The following KIAA0586 variants were observed in gnomAD, a reference collection of about 807,000 sequenced individuals.
The protein encoded by KIAA0586 is protein TALPID3.
Under a neutral mutation model 169.8 loss-of-function variants are expected in KIAA0586, and 144 were observed. The ratio of observed to expected loss-of-function variants is 0.85; its 90% CI spans 0.74 to 0.97. KIAA0586 has a LOEUF of 0.97. Among genes scored for constraint, KIAA0586 ranks in the 50% least tolerant of loss-of-function variants. KIAA0586 has a pLI of 0.00. For missense variants in KIAA0586, 1,854 were observed against 1,823.0 expected, an observed-to-expected ratio of 1.02 and a Z score of -0.31; for synonymous variants, 625 against 612.4, an observed-to-expected ratio of 1.02 and a Z score of -0.30.
At position 58,549,194 on chromosome 14, in the gene KIAA0586, T is replaced by A. The variant is rs1189530948; in HGVS notation, c.*1262T>A. 1 of 152,208 alleles carries A rather than the reference T, an allele frequency of 6.6e-6. No individual in the cohort carries two copies. The highest frequency in any genetic ancestry group is 1.5e-5 in the Non-Finnish European group (1 of 68,030). 9.4% of individuals were successfully genotyped at this position (152,208 alleles called of 1,614,324 possible). A position where few individuals can be genotyped will look rare whatever the true frequency, so the allele number is the denominator to read the frequency against. Reference sequence around the variant, plus strand: ...CACAGTAATTACAGTCATCCTTGACTTTTTCAGCATTTTTGTAGGTTGCTA... The same window carrying A: ...CACAGTAATTACAGTCATCCTTGACATTTTCAGCATTTTTGTAGGTTGCTA... On this transcript the variant is annotated 3_prime_UTR_variant, in exon 31 of 31. Transcript: ENST00000652326.
Position 58,430,679 on chromosome 14 carries a change from T to TG in KIAA0586, c.303dup (p.Pro102AlafsTer4). On this transcript the variant is annotated frameshift_variant, in exon 3 of 31. Coordinates refer to ENST00000652326, the MANE Select transcript of KIAA0586 (RefSeq NM_001329943.3). LOFTEE classifies it high-confidence loss of function. Reference sequence around the variant, plus strand: ...TCTAAAGACGTTGCAGTGCAAGTGTTGCCTTTGGATAAAATAGAAGAGAAC... The same window carrying TG: ...TCTAAAGACGTTGCAGTGCAAGTGTTGGCCTTTGGATAAAATAGAAGAGAAC... 1 of 1,605,812 alleles carries TG rather than the reference T, an allele frequency of 6.2e-7. No individual in the cohort carries two copies. Among genetic ancestry groups the TG allele is most frequent in the Non-Finnish European group, 8.5e-7 (1 of 1,175,056 alleles).
At chr14:58,450,466 G>T in intron 7 of KIAA0586, 113 bp from the exon 8 acceptor site, 1 of 638,638 alleles carries the variant, frequency 1.6e-6, no homozygotes, top group South Asian at 2.0e-5. Flanking sequence ...TTAATAATTT[G>T]TTCATCATTT....
intron 18 of KIAA0586, 80 bp from the exon 19 acceptor site, chr14:58,474,527 T>G (rs2041457348): frequency 1.1e-6 from 1 of 921,692 alleles, no homozygotes; most frequent in African/African-American, 1.7e-5. Context: ...TTAATTCACC[T>G]AGTTCCTTGC....
intron 24 of KIAA0586, 36 bp from the exon 25 acceptor site, chr14:58,490,127 CT>C (rs760839155): frequency 1.2e-3 from 1,060 of 920,672 alleles, no homozygotes; most frequent in Non-Finnish European, 1.2e-3. Context: ...GTTTGTGTTT[CT>C]TTTTTTTTTC....
intron 30 of KIAA0586, 53 bp downstream of exon 30, chr14:58,540,189 A>G (rs1475910843): frequency 1.0e-6 from 1 of 970,974 alleles, no homozygotes; most frequent in African/African-American, 1.7e-5. Flanking sequence ...AGATTTTTTC[A>G]TTTCCTGATG....
chr14:58,535,577 T>C (rs2046230782), intron 29 of KIAA0586, among the ~76,000 whole-genome samples: 1 of 152,196 alleles, frequency 6.6e-6, no homozygotes, highest in South Asian at 2.1e-4. Context: ...AATGCTATTA[T>C]TTAAGAGAGT....
In KIAA0586 at chr14:58,498,968, C is replaced by A. The variant is rs1331278032; in HGVS notation, c.4168+8C>A. 1.3e-6 allele frequency: 2 copies of A among 1,579,248 alleles called. No individual in the cohort carries two copies. The highest frequency in any genetic ancestry group is 8.6e-7 in the Non-Finnish European group (1 of 1,162,170). On this transcript the variant is annotated splice_region_variant and intron_variant, in intron 27 of 30. Transcript: ENST00000652326. ...AATTTGACACAGTTTCAGGTAGACA[C>A]CAAAATATTTTTTCTTGATGTGTCA...
At chr14:58,538,864 C>G (rs2046465216) in intron 29 of KIAA0586, among the ~76,000 whole-genome samples, 1 of 152,148 alleles carries the variant, frequency 6.6e-6, no homozygotes, top group Admixed American at 6.5e-5. Flanking sequence ...ACTGCAACCT[C>G]TGCCTCCTGG....
chr14:58,532,335 C>T (rs2046029467), intron 29 of KIAA0586, among the ~76,000 whole-genome samples: 1 of 152,166 alleles, frequency 6.6e-6, no homozygotes, highest in Non-Finnish European at 1.5e-5. Context: ...TCAGAATTAC[C>T]TTGCATAGGA....
chr14:58,501,754 A>G (rs993897318), intron 27 of KIAA0586, among the ~76,000 whole-genome samples: 1 of 152,198 alleles, frequency 6.6e-6, no homozygotes, highest in Admixed American at 6.5e-5. Flanking sequence ...TGGTCAAATA[A>G]CTTAATGTTC....
In KIAA0586 at chr14:58,482,504, TA is replaced by T; in HGVS notation, c.2945-8del. ...CCCACTTATTCTGATTTTTTTTTTT[TA>T]CTTTTAGTGGAAGGAACAAGCAGTG... On this transcript the variant is annotated splice_polypyrimidine_tract_variant and splice_region_variant and intron_variant, in intron 20 of 30. Coordinates refer to ENST00000652326, the MANE Select transcript of KIAA0586 (RefSeq NM_001329943.3). The T allele has an allele frequency of 6.8e-7, 1 of 1,462,600 alleles. No individual in the cohort carries two copies. The highest frequency in any genetic ancestry group is 2.5e-5 in the East Asian group (1 of 39,976). 90.6% of individuals were successfully genotyped at this position (1,462,600 alleles called of 1,614,324 possible). A position where few individuals can be genotyped will look rare whatever the true frequency, so the allele number is the denominator to read the frequency against.
chr14:58,534,597 C>T (rs1295160543), intron 29 of KIAA0586, among the ~76,000 whole-genome samples: 1 of 152,022 alleles, frequency 6.6e-6, no homozygotes, highest in African/African-American at 2.4e-5. Flanking sequence ...TAAACTACAG[C>T]AACAACAAAA....
intron 27 of KIAA0586, among the ~76,000 whole-genome samples, chr14:58,502,523 A>G (rs1297148493): frequency 2.6e-5 from 4 of 152,174 alleles, no homozygotes; most frequent in Non-Finnish European, 5.9e-5. Context: ...CCAATCATGG[A>G]ACAACTTAAG....
intron 26 of KIAA0586, among the ~76,000 whole-genome samples, chr14:58,496,616 A>T (rs1244386526): frequency 6.6e-6 from 1 of 152,210 alleles, no homozygotes; most frequent in African/African-American, 2.4e-5. Context: ...AGAGATAGAG[A>T]TGTACATAGG....
rs1335806332 is a variant in KIAA0586, at chr14:58,508,574, A to G, written c.4188A>G (p.Ser1396=). ...DTVSGSIYED[S]CASHGPMSLG... Reference sequence around the variant, plus strand: ...TAACAGGTAGTATTTATGAAGATTCATGTGCTAGTCATGGTCCAATGAGTT... The same window carrying G: ...TAACAGGTAGTATTTATGAAGATTCGTGTGCTAGTCATGGTCCAATGAGTT... The change falls in exon 28 of 31, where the codon TCA becomes TCG. Residue 1396 remains serine, a synonymous_variant. Coordinates refer to ENST00000652326, the MANE Select transcript of KIAA0586 (RefSeq NM_001329943.3). 3 of 1,591,872 alleles carry G rather than the reference A, an allele frequency of 1.9e-6. No individual in the cohort carries two copies. The South Asian group carries it at 3.4e-5, about 18-fold the overall frequency.
In KIAA0586 at chr14:58,488,623, T is replaced by A; in HGVS notation, c.3530T>A (p.Val1177Glu). 4.3e-6 allele frequency: 7 copies of A among 1,613,902 alleles called. No individual in the cohort carries two copies. The highest frequency in any genetic ancestry group is 5.9e-6 in the Non-Finnish European group (7 of 1,179,800). ...PQEELHPRAI[V>E]MSVAKDEEPE... ...CAAATATGTCTTTATTTTCTTAGTG[T>A]AATGTCTGTGGCTAAGGATGAAGAA... Residue 1177 changes from valine to glutamate, a missense_variant and splice_region_variant, in exon 24 of 31, where the codon GTA becomes GAA. By Grantham distance (121) the Val-to-Glu change is moderately radical. Coordinates refer to ENST00000652326, the MANE Select transcript of KIAA0586 (RefSeq NM_001329943.3).
chr14:58,450,006 G>A (rs1048630882), intron 7 of KIAA0586, among the ~76,000 whole-genome samples: 2 of 152,048 alleles, frequency 1.3e-5, no homozygotes, highest in African/African-American at 4.8e-5. Flanking sequence ...CACATAAAAA[G>A]ATTTGCCATA....
Position 58,443,836 on chromosome 14 carries a change from T to C in KIAA0586, c.586-118T>C, listed in dbSNP as rs115083412. On this transcript the variant is annotated intron_variant, in intron 5 of 30. Coordinates refer to ENST00000652326, the MANE Select transcript of KIAA0586 (RefSeq NM_001329943.3). ...ATTAAATCATTAGACATTTAGTGGG[T>C]AAAGGCTCAAATTAGATCACTTATC... The C allele has an allele frequency of 3.9e-4, 256 of 658,690 alleles. 1 individual carries two copies. Among genetic ancestry groups the C allele is most frequent in the African/African-American group, 3.0e-3 (162 of 54,734 alleles). 40.8% of individuals were successfully genotyped at this position (658,690 alleles called of 1,614,324 possible). A position where few individuals can be genotyped will look rare whatever the true frequency, so the allele number is the denominator to read the frequency against.
Position 58,485,073 on chromosome 14 carries a change from G to A in KIAA0586, c.3145-1934G>A, listed in dbSNP as rs537043498. ...TAAGTAGCTGGGATTACAGGCGCCC[G>A]CCACCACACCCAGCTAATTTTTGCA... is the stretch of plus-strand genomic sequence containing the variant. On this transcript the variant is annotated intron_variant, in intron 21 of 30. Coordinates refer to ENST00000652326, the MANE Select transcript of KIAA0586 (RefSeq NM_001329943.3). Among the ~76,000 whole-genome samples, 7 of 145,930 alleles carry A rather than the reference G, an allele frequency of 4.8e-5. No individual in the cohort carries two copies. The South Asian group carries it at 1.3e-3, about 28-fold the overall frequency.
Sources: allele counts gnomAD v4.1 joint callset (sites outside exome capture counted in the v4.1 genomes callset), GRCh38; gene constraint gnomAD v4.1.1; transcripts MANE v1.5; gene names NCBI Gene and HGNC (gene_info 2026-07-23, HGNC 2026-07-21).